Variants in MYCBP2 observed in about 807,000 individuals in gnomAD.
The protein encoded by MYCBP2 is MYC binding protein 2, also known as E3 ubiquitin-protein ligase MYCBP2.
In MYCBP2, 120 loss-of-function variants were observed where a neutral mutation model predicts 525.3. That is an observed-to-expected ratio of 0.23 (90% confidence interval 0.20 to 0.27). MYCBP2 has a LOEUF of 0.27. Among genes scored for constraint, MYCBP2 ranks in the 10% least tolerant of loss-of-function variants. MYCBP2 has a pLI of 1.00. For synonymous variants in MYCBP2, 1,894 were observed against 1,955.8 expected, an observed-to-expected ratio of 0.97 and a Z score of 0.83; for missense variants, 4,149 against 5,657.1, an observed-to-expected ratio of 0.73 and a Z score of 8.55.
At chr13:77,183,243 A>T (rs772503927) in intron 32 of MYCBP2, among the ~76,000 whole-genome samples, 1 of 152,180 alleles carries the variant, frequency 6.6e-6, no homozygotes, top group Non-Finnish European at 1.5e-5. Context: ...ATAAAGCTAA[A>T]CTCATAAAAT....
intron 68 of MYCBP2, among the ~76,000 whole-genome samples, chr13:77,074,012 C>CT (rs56702763): frequency 2.2e-4 from 20 of 91,772 alleles, no homozygotes; most frequent in African/African-American, 3.5e-4. Flanking sequence ...GCCCCCCCCC[C>CT]TTTTTTTTTT....
chr13:77,191,575 C>T (rs1227313613), intron 28 of MYCBP2, 104 bp downstream of exon 28: 1 of 1,344,042 alleles, frequency 7.4e-7, no homozygotes, highest in East Asian at 2.5e-5. Flanking sequence ...ATGCTCTAGT[C>T]TTCCTAAGCT....
intron 1 of MYCBP2, among the ~76,000 whole-genome samples, chr13:77,313,163 C>A (rs2080480729): frequency 6.6e-6 from 1 of 151,802 alleles, no homozygotes; most frequent in Non-Finnish European, 1.5e-5. Context: ...ATAATTTGAA[C>A]TAAATGACAA....
chr13:77,320,268 A>G (rs1337135977), intron 1 of MYCBP2, among the ~76,000 whole-genome samples: 2 of 152,180 alleles, frequency 1.3e-5, no homozygotes, highest in Non-Finnish European at 2.9e-5. Context: ...TATTGCCAAG[A>G]GCTAGGGGAA....
rs2038685105 is a variant in MYCBP2 at position 77,058,805 on chromosome 13, T to G, written c.13141-399A>C. Among the ~76,000 whole-genome samples, 1 of 151,924 alleles carries G rather than the reference T, an allele frequency of 6.6e-6. No individual in the cohort carries two copies. Among genetic ancestry groups the G allele is most frequent in the Admixed American group, 6.6e-5 (1 of 15,232 alleles). The stretch of plus-strand genomic sequence containing the variant: ...TTTGAGACCAGCCTGACCAATATGG[T>G]GAAACCCCATCTCTACTAAAAATAC... On this transcript the variant is annotated intron_variant, in intron 77 of 82. Coordinates refer to ENST00000544440, the MANE Select transcript of MYCBP2 (RefSeq NM_015057.5). The surrounding 1 kb of genome is among the most constrained non-coding windows in gnomAD (Gnocchi z 4.1).
rs757816113 is a variant in MYCBP2 at position 77,326,501 on chromosome 13, C to T, written c.275G>A (p.Gly92Asp). 6.3e-7 allele frequency: 1 copy of T among 1,586,032 alleles called. No individual in the cohort carries two copies. Among genetic ancestry groups the T allele is most frequent in the Admixed American group, 1.7e-5 (1 of 57,190 alleles). ...GGAGGCTGGGTGTCCAGCGCTGCCG[C>T]CCCCCTGGTCCCTGTCATTGAGCGC... ...TAALNDRDQG[G>D]GSAGHPASRN... The change falls in exon 1 of 83, where the codon GGC becomes GAC. Residue 92 changes from glycine to aspartate, a missense_variant. Around this residue, in one of 21 missense-constraint regions of MYCBP2, gnomAD observed 413 missense variants for 451.2 expected, o/e 0.92. Coordinates refer to ENST00000544440, the MANE Select transcript of MYCBP2 (RefSeq NM_015057.5). This position sits in a 1 kb window ranked among gnomAD's most constrained non-coding sequence, Gnocchi z 4.2.
At chr13:77,322,540 C>A (rs1006961300) in intron 1 of MYCBP2, among the ~76,000 whole-genome samples, 1 of 152,166 alleles carries the variant, frequency 6.6e-6, no homozygotes, top group Non-Finnish European at 1.5e-5. Flanking sequence ...ACATACAGTG[C>A]CATGCTGGTT....
intron 54 of MYCBP2, among the ~76,000 whole-genome samples, chr13:77,122,758 G>C (rs2050976784): frequency 6.6e-6 from 1 of 151,312 alleles, no homozygotes; most frequent in Admixed American, 6.6e-5. Flanking sequence ...GGGTGTGGTA[G>C]AGTGTTTCCT....
chr13:77,232,439 C>T (rs1402782976), intron 18 of MYCBP2, among the ~76,000 whole-genome samples: 1 of 152,150 alleles, frequency 6.6e-6, no homozygotes, highest in Non-Finnish European at 1.5e-5. Flanking sequence ...CTTTCCTGAT[C>T]TTAGCTGACC....
At chr13:77,283,722 C>T (rs1021451258) in intron 3 of MYCBP2, among the ~76,000 whole-genome samples, 2 of 152,056 alleles carry the variant, frequency 1.3e-5, no homozygotes, top group African/African-American at 4.8e-5. Context: ...TCTGGCAAAA[C>T]CCCATCTCTA....
intron 3 of MYCBP2, among the ~76,000 whole-genome samples, 162 bp downstream of exon 3, chr13:77,287,999 G>A (rs1315339884): frequency 6.6e-6 from 1 of 152,190 alleles, no homozygotes; most frequent in Non-Finnish European, 1.5e-5. Context: ...AAGTTGCAGA[G>A]TTTTCCTTTT....
intron 43 of MYCBP2, among the ~76,000 whole-genome samples, chr13:77,162,344 C>T (rs542420726): frequency 6.6e-6 from 1 of 152,310 alleles, no homozygotes; most frequent in South Asian, 2.1e-4. Flanking sequence ...TAGTAAACAA[C>T]AGGGACTCAC....
At chr13:77,048,166 T>TC (rs2035984651) in intron 82 of MYCBP2, among the ~76,000 whole-genome samples, 1 of 151,992 alleles carries the variant, frequency 6.6e-6, no homozygotes, top group Admixed American at 6.5e-5. Context: ...TGGGGTGGAA[T>TC]CCATGAATGG....
Position 77,296,648 on chromosome 13 carries a change from T to C in MYCBP2, c.329A>G (p.Lys110Arg). The C allele has an allele frequency of 6.6e-7, 1 of 1,504,372 alleles. No individual in the cohort carries two copies. Among genetic ancestry groups the C allele is most frequent in the Non-Finnish European group, 9.0e-7 (1 of 1,108,340 alleles). 93.2% of individuals were successfully genotyped at this position (1,504,372 alleles called of 1,614,324 possible). ...TTTGCTCTTCTGTTTTCTTTTCAAT[T>C]TCTTCTTATTTAAAATTTTCTTATT... Reference protein sequence around the residue: ...SRNKKILNKKKLKRKQKSKSK... With the variant: ...SRNKKILNKKRLKRKQKSKSK... Residue 110 changes from lysine (K) to arginine (R), a missense_variant, in exon 2 of 83, where the codon AAA (lysine) becomes AGA (arginine). Physicochemically the swap from Lys to Arg is conservative, Grantham distance 26. Around this residue, in one of 21 missense-constraint regions of MYCBP2, gnomAD observed 413 missense variants for 451.2 expected, o/e 0.92. Transcript: ENST00000544440.
chr13:77,292,982 GA>G (rs1379038523), intron 2 of MYCBP2, among the ~76,000 whole-genome samples: 5 of 138,600 alleles, frequency 3.6e-5, no homozygotes, highest in East Asian at 2.1e-4. Context: ...AAAAAAGAAA[GA>G]AAAAAAAAGA....
intron 38 of MYCBP2, among the ~76,000 whole-genome samples, chr13:77,170,689 G>C (rs551204642): frequency 6.6e-6 from 1 of 151,294 alleles, no homozygotes; most frequent in Non-Finnish European, 1.5e-5. Flanking sequence ...CGATTCTCCT[G>C]CCTCAGCCTT....
At chr13:77,191,884 A>C in intron 27 of MYCBP2, 71 bp from the exon 28 acceptor site, 1 of 1,458,118 alleles carries the variant, frequency 6.9e-7, no homozygotes. Context: ...TTTTTTCAAA[A>C]TCCCTTGTGA....
intron 43 of MYCBP2, among the ~76,000 whole-genome samples, chr13:77,162,379 A>T (rs2058038807): frequency 6.6e-6 from 1 of 152,220 alleles, no homozygotes. Flanking sequence ...CAGTGACTGC[A>T]TCCCCTAGCC....
chr13:77,318,552 G>A (rs1594889874), intron 1 of MYCBP2, among the ~76,000 whole-genome samples: 1 of 152,104 alleles, frequency 6.6e-6, no homozygotes, highest in Admixed American at 6.6e-5. Context: ...TGAGGAGTTC[G>A]AGACCAGCCT....
Sources: allele counts gnomAD v4.1 joint callset (sites outside exome capture counted in the v4.1 genomes callset), GRCh38; gene constraint gnomAD v4.1.1; regional missense constraint gnomAD v4.1.1; non-coding constraint Gnocchi (gnomAD v3.1); transcripts MANE v1.5; gene names NCBI Gene and HGNC (gene_info 2026-07-23, HGNC 2026-07-21).